The following NTM variants were observed in gnomAD, a reference collection of about 807,000 sequenced individuals.
NTM encodes neurotrimin, also known as IgLON family member 2.
A neutral mutation model predicts 42.1 loss-of-function variants in NTM; 13 were observed. That is an observed-to-expected ratio of 0.31 (90% CI 0.20 to 0.49). The LOEUF (loss-of-function observed/expected upper bound fraction) is 0.49. NTM is among the 20% of genes least tolerant of loss of function. The pLI, the probability that NTM is intolerant of heterozygous loss-of-function variation, is 0.99. For missense variants in NTM, 373 were observed against 452.8 expected, an observed-to-expected ratio of 0.82 and a Z score of 1.60; for synonymous variants, 187 against 179.2, an observed-to-expected ratio of 1.04 and a Z score of -0.35.
intron 3 of NTM, among the ~76,000 whole-genome samples, chr11:132,191,274 A>G (rs915112803): frequency 1.3e-5 from 2 of 152,104 alleles, no homozygotes; most frequent in African/African-American, 4.8e-5. Flanking sequence ...TCCCTCTACA[A>G]AGTGCTGGTG....
intron 4 of NTM, among the ~76,000 whole-genome samples, chr11:132,289,011 C>G (rs2094356939): frequency 6.6e-6 from 1 of 152,198 alleles, no homozygotes; most frequent in Admixed American, 6.5e-5. Flanking sequence ...ACCTAAAACT[C>G]AGTCCTAGTT....
chr11:131,641,238 G>A (rs1219812663), intron 1 of NTM, among the ~76,000 whole-genome samples: 2 of 152,216 alleles, frequency 1.3e-5, no homozygotes, highest in Non-Finnish European at 2.9e-5. Flanking sequence ...CTTTGAATGG[G>A]AAGTCGGAGT....
Position 132,255,245 on chromosome 11 carries a change from C to G in NTM, c.526+43098C>G, listed in dbSNP as rs561558204. 8.5e-5 allele frequency among the ~76,000 whole-genome samples: 13 copies of G among 152,286 alleles called. 1 individual carries two copies. The highest frequency in any genetic ancestry group is 3.4e-3 in the Middle Eastern group (1 of 294). On this transcript the variant is annotated intron_variant, in intron 4 of 8. Transcript: ENST00000683400. ...ACTCCTTTCTTTTAGCTCTTTAGCT[C>G]TCTTTTGGCTCTCTTTTAGCTGTCT...
chr11:131,679,361 T>G (rs942076225), intron 1 of NTM, among the ~76,000 whole-genome samples: 1 of 152,042 alleles, frequency 6.6e-6, no homozygotes, highest in Non-Finnish European at 1.5e-5. Context: ...AAACTCTAGA[T>G]CAAATGGAGG....
chr11:131,462,952 A>G (rs1951541635), intron 1 of NTM, among the ~76,000 whole-genome samples: 1 of 142,358 alleles, frequency 7.0e-6, no homozygotes, highest in African/African-American at 2.7e-5. Context: ...TCTACTCATG[A>G]AAAAAAAAAA....
At chr11:131,739,422 G>A (rs907664420) in intron 1 of NTM, among the ~76,000 whole-genome samples, 6 of 152,150 alleles carry the variant, frequency 3.9e-5, no homozygotes, top group Admixed American at 6.5e-5. Context: ...TTGAAAGGCC[G>A]CAGGGATAAT....
At chr11:131,383,090 G>T (rs1942888314) in intron 1 of NTM, among the ~76,000 whole-genome samples, 3 of 152,048 alleles carry the variant, frequency 2.0e-5, no homozygotes, top group Admixed American at 2.0e-4. Flanking sequence ...TAAATCCATT[G>T]AGATTATTTT....
At chr11:131,828,320 A>G (rs1398279047) in intron 1 of NTM, among the ~76,000 whole-genome samples, 1 of 152,074 alleles carries the variant, frequency 6.6e-6, no homozygotes, top group Non-Finnish European at 1.5e-5. Context: ...CACCGCCTTC[A>G]CCATTATTGC....
chr11:131,795,529 C>A (rs1409039124), intron 1 of NTM: 7 of 985,260 alleles, frequency 7.1e-6, no homozygotes, highest in Non-Finnish European at 8.4e-6. Context: ...TGTCTCATAG[C>A]CAGACACTGC....
chr11:132,087,181 G>A (rs181049608), intron 2 of NTM, among the ~76,000 whole-genome samples: 194 of 152,196 alleles, frequency 1.3e-3, no homozygotes, highest in African/African-American at 4.6e-3. Context: ...CCTTGATAGG[G>A]TGCCACCCAT....
intron 1 of NTM, among the ~76,000 whole-genome samples, chr11:131,747,578 TA>T (rs1379468062): frequency 6.6e-6 from 1 of 152,118 alleles, no homozygotes; most frequent in Non-Finnish European, 1.5e-5. Context: ...GTGGTGTAAA[TA>T]AAATGCAAAA....
chr11:132,111,523 C>T (rs956542128), intron 2 of NTM, among the ~76,000 whole-genome samples: 3 of 152,210 alleles, frequency 2.0e-5, no homozygotes, highest in South Asian at 2.1e-4. Context: ...CATCAGGCAT[C>T]GAGGAGCTCA....
At chr11:132,110,245 A>G (rs2062985651) in intron 2 of NTM, among the ~76,000 whole-genome samples, 1 of 152,250 alleles carries the variant, frequency 6.6e-6, no homozygotes, top group African/African-American at 2.4e-5. Flanking sequence ...TGATGCTCAA[A>G]AAGTATTTGC....
chr11:131,735,874 GTA>G (rs1491049428), intron 1 of NTM, among the ~76,000 whole-genome samples: 1 of 146,320 alleles, frequency 6.8e-6, no homozygotes, highest in African/African-American at 2.6e-5. Context: ...GTGTGTGTGT[GTA>G]TAAAAAAATA....
intron 2 of NTM, among the ~76,000 whole-genome samples, chr11:131,914,258 T>C (rs1418228572): frequency 1.3e-5 from 2 of 152,212 alleles, no homozygotes; most frequent in African/African-American, 4.8e-5. Flanking sequence ...TGTGTGTGTG[T>C]AGGGGGACAG....
intron 3 of NTM, among the ~76,000 whole-genome samples, chr11:132,192,170 G>A (rs2079418137): frequency 6.6e-6 from 1 of 152,116 alleles, no homozygotes; most frequent in African/African-American, 2.4e-5. Context: ...GAGAACCCCT[G>A]TGAGATACTA....
chr11:132,077,644 C>T (rs929066668), intron 2 of NTM, among the ~76,000 whole-genome samples: 6 of 152,220 alleles, frequency 3.9e-5, no homozygotes, highest in African/African-American at 1.4e-4. Context: ...AAAATTCAAG[C>T]CCAGACCTGC....
rs924537559 is a variant in NTM at position 132,334,668 on chromosome 11, T to G, written c.968-378T>G. 2.0e-5 allele frequency among the ~76,000 whole-genome samples: 3 copies of G among 152,108 alleles called. No homozygotes were observed. In the East Asian group the frequency reaches 5.8e-4, roughly 30 times the overall value. The stretch of plus-strand genomic sequence containing the variant: ...GCAGTGCTCAGAAGTGGATGGGTGA[T>G]GAGGCACTCAGCACAGTAGTCTGAC... On this transcript the variant is annotated intron_variant, in intron 8 of 8. Transcript: ENST00000683400.
chr11:131,410,755 T>C (rs543238461), intron 1 of NTM, among the ~76,000 whole-genome samples: 1 of 152,282 alleles, frequency 6.6e-6, no homozygotes, highest in South Asian at 2.1e-4. Context: ...AAAAATATAC[T>C]ATTACCCTGC....
Sources: allele counts gnomAD v4.1 joint callset (sites outside exome capture counted in the v4.1 genomes callset), GRCh38; gene constraint gnomAD v4.1.1; transcripts MANE v1.5; gene names NCBI Gene and HGNC (gene_info 2026-07-23, HGNC 2026-07-21).